The following ATAD1 variants were observed in gnomAD, a reference collection of about 807,000 sequenced individuals.
ATAD1 encodes outer mitochondrial transmembrane helix translocase.
Under a neutral mutation model 42.7 loss-of-function variants are expected in ATAD1, and 18 were observed. The observed-to-expected ratio is 0.42, with a 90% CI of 0.29 to 0.63. The LOEUF (loss-of-function observed/expected upper bound fraction) is 0.63, where lower values mean the gene tolerates loss of function less well. ATAD1 is among the 20% of genes least tolerant of loss of function. The pLI is 0.19. For missense variants in ATAD1, 294 were observed against 440.4 expected (o/e 0.67, Z 2.98); for synonymous variants, 132 against 143.1 (o/e 0.92, Z 0.55).
chr10:87,776,038 G>A (rs1435494035), intron 6 of ATAD1, among the ~76,000 whole-genome samples: 1 of 152,154 alleles, frequency 6.6e-6, no homozygotes, highest in African/African-American at 2.4e-5. Context: ...CCTTAGCACT[G>A]TAGGTTCTGA....
At chr10:87,817,712 T>C (rs1019654732) in intron 1 of ATAD1, 2 of 984,182 alleles carry the variant, frequency 2.0e-6, no homozygotes, top group African/African-American at 3.5e-5. Flanking sequence ...AACATCACCA[T>C]CTTTTGTGAA....
intron 8 of ATAD1, among the ~76,000 whole-genome samples, chr10:87,766,324 T>C (rs970149325): frequency 6.6e-6 from 1 of 152,154 alleles, no homozygotes; most frequent in African/African-American, 2.4e-5. Flanking sequence ...ATTTTTATAA[T>C]AGTGAAAGAC....
At chr10:87,834,710 A>G (rs1440824001) in intron 1 of ATAD1, among the ~76,000 whole-genome samples, 3 of 151,984 alleles carry the variant, frequency 2.0e-5, no homozygotes, top group Admixed American at 2.0e-4. Flanking sequence ...TTAAAGAACC[A>G]GTTTTTTGTT....
At chr10:87,781,470 ATTATT>A (rs1411312988) in intron 5 of ATAD1, among the ~76,000 whole-genome samples, 2 of 152,182 alleles carry the variant, frequency 1.3e-5, no homozygotes, top group Admixed American at 1.3e-4. Flanking sequence ...AAGTTGTACC[ATTATT>A]TTGTGTACCA....
chr10:87,770,668 T>C (rs1030551081), intron 7 of ATAD1, among the ~76,000 whole-genome samples: 1 of 152,210 alleles, frequency 6.6e-6, no homozygotes, highest in Non-Finnish European at 1.5e-5. Context: ...TTATGTATCT[T>C]CCTGTATAGA....
At chr10:87,792,928 G>A (rs1347301130) in intron 2 of ATAD1, among the ~76,000 whole-genome samples, 173 bp from the exon 3 acceptor site, 6 of 152,154 alleles carry the variant, frequency 3.9e-5, no homozygotes, top group Non-Finnish European at 8.8e-5. Context: ...CTCAGGTAAC[G>A]ATTTGAGGCT....
chr10:87,795,517 G>A (rs1466716654), intron 2 of ATAD1, among the ~76,000 whole-genome samples: 1 of 150,626 alleles, frequency 6.6e-6, no homozygotes, highest in Non-Finnish European at 1.5e-5. Context: ...TTTCTGTGGA[G>A]GGAAAATGAG....
intron 9 of ATAD1, among the ~76,000 whole-genome samples, chr10:87,756,129 A>G (rs1854211756): frequency 6.6e-6 from 1 of 152,214 alleles, no homozygotes; most frequent in Non-Finnish European, 1.5e-5. Context: ...AAGGTGAGGA[A>G]GGGAGACCAA....
intron 2 of ATAD1, among the ~76,000 whole-genome samples, 192 bp downstream of exon 2, chr10:87,814,246 T>TA (rs1302502792): frequency 6.6e-6 from 1 of 152,062 alleles, no homozygotes; most frequent in Non-Finnish European, 1.5e-5. Context: ...GTTTATATAG[T>TA]AAAAAATGAC....
intron 1 of ATAD1, among the ~76,000 whole-genome samples, chr10:87,826,417 C>T (rs765067219): frequency 5.3e-5 from 8 of 152,214 alleles, no homozygotes; most frequent in Non-Finnish European, 8.8e-5. Context: ...TTCTTTGTGC[C>T]TTCTGAGTTC....
chr10:87,790,096 TTATTTTAACAAG>T (rs1459966964), intron 4 of ATAD1, among the ~76,000 whole-genome samples: 2 of 152,210 alleles, frequency 1.3e-5, no homozygotes, highest in African/African-American at 4.8e-5. Context: ...TTGAAGGAGA[TTATTTTAACAAG>T]TATTTTAACA....
intron 1 of ATAD1, among the ~76,000 whole-genome samples, chr10:87,824,953 G>A (rs1403043263): frequency 3.9e-5 from 6 of 152,094 alleles, no homozygotes; most frequent in African/African-American, 7.2e-5. Flanking sequence ...CGTATTTATC[G>A]ATCCATGAAA....
At chr10:87,825,804 C>T in intron 1 of ATAD1, among the ~76,000 whole-genome samples, 2 of 151,080 alleles carry the variant, frequency 1.3e-5, no homozygotes, top group Middle Eastern at 6.9e-3. Flanking sequence ...TCGGCTTAAG[C>T]AATCCTCCCA....
intron 2 of ATAD1, among the ~76,000 whole-genome samples, chr10:87,794,303 T>C (rs1589522292): frequency 6.6e-6 from 1 of 152,202 alleles, no homozygotes; most frequent in Non-Finnish European, 1.5e-5. Context: ...GTAAAGTCAC[T>C]GAATCAATAG....
chr10:87,795,087 A>G (rs1271436381), intron 2 of ATAD1, among the ~76,000 whole-genome samples: 1 of 152,196 alleles, frequency 6.6e-6, no homozygotes, highest in Admixed American at 6.5e-5. Context: ...TTAGATGAGG[A>G]ATTTACAGGT....
At chr10:87,839,631 T>C (rs1263973898) in intron 1 of ATAD1, among the ~76,000 whole-genome samples, 1 of 152,132 alleles carries the variant, frequency 6.6e-6, no homozygotes, top group Non-Finnish European at 1.5e-5. Context: ...CTAGAATAGA[T>C]CAGTGAGCTT....
At chr10:87,798,689 T>C (rs773396847) in intron 2 of ATAD1, among the ~76,000 whole-genome samples, 14 of 148,702 alleles carry the variant, frequency 9.4e-5, no homozygotes, top group East Asian at 2.0e-4. Context: ...CATAGCTTTA[T>C]GTTTAATTGG....
chr10:87,837,035 A>AT (rs551843883), intron 1 of ATAD1, among the ~76,000 whole-genome samples: 57 of 151,812 alleles, frequency 3.8e-4, no homozygotes, highest in Non-Finnish European at 8.0e-4. Context: ...TTTTTTTATT[A>AT]TTTTTTGCAT....
chr10:87,802,566 G>T (rs546821750), intron 2 of ATAD1, among the ~76,000 whole-genome samples: 30 of 151,468 alleles, frequency 2.0e-4, no homozygotes, highest in African/African-American at 6.8e-4. Flanking sequence ...AGCACTTTGG[G>T]AGGCCAGGGC....
Sources: allele counts gnomAD v4.1 joint callset (sites outside exome capture counted in the v4.1 genomes callset), GRCh38; gene constraint gnomAD v4.1.1; transcripts MANE v1.5; gene names NCBI Gene and HGNC (gene_info 2026-07-23, HGNC 2026-07-21).